DGKH: variants seen among roughly 807,000 people sequenced by gnomAD.
DGKH encodes diacylglycerol kinase eta.
Under a neutral mutation model 159.3 loss-of-function variants are expected in DGKH, and 90 were observed. The observed-to-expected ratio is 0.57, with a 90% confidence interval of 0.48 to 0.67. DGKH has a LOEUF of 0.67. DGKH is among the 30% of genes least tolerant of loss of function. The probability of loss-of-function intolerance (pLI) is 0.00; values close to 1 mark genes in which losing one functional copy is unlikely to be tolerated. For missense variants in DGKH, 1,181 were observed against 1,506.1 expected, an observed-to-expected ratio of 0.78 and a Z score of 3.57; for synonymous variants, 536 against 553.8, an observed-to-expected ratio of 0.97 and a Z score of 0.45.
intron 24 of DGKH, among the ~76,000 whole-genome samples, chr13:42,213,685 CT>C (rs2138215171): frequency 6.6e-6 from 1 of 152,260 alleles, no homozygotes; most frequent in Non-Finnish European, 1.5e-5. Context: ...GCCTCAGTCC[CT>C]TTTCTTGTTC....
chr13:42,073,677 A>G (rs143866554), intron 1 of DGKH, among the ~76,000 whole-genome samples: 117 of 152,322 alleles, frequency 7.7e-4, no homozygotes, highest in African/African-American at 2.7e-3. Flanking sequence ...TGATATTTTT[A>G]GCTTTCTATG....
chr13:42,214,713 T>A, intron 25 of DGKH, 101 bp downstream of exon 25: 1 of 1,122,002 alleles, frequency 8.9e-7, no homozygotes, highest in Non-Finnish European at 1.2e-6. Flanking sequence ...CAGAAAGTTA[T>A]GTTGTCTATA....
intron 20 of DGKH, among the ~76,000 whole-genome samples, chr13:42,201,366 T>TTTTGAGGTCCTA (rs1477809236): frequency 1.3e-5 from 2 of 152,124 alleles, no homozygotes; most frequent in Non-Finnish European, 2.9e-5. Flanking sequence ...ACTGGTCCTA[T>TTTTGAGGTCCTA]TTTGAGGGTG....
chr13:42,089,448 T>C (rs1048473310), intron 1 of DGKH, among the ~76,000 whole-genome samples: 3 of 152,250 alleles, frequency 2.0e-5, no homozygotes, highest in Non-Finnish European at 4.4e-5. Flanking sequence ...TATTATCTTA[T>C]AGTTCTGGAG....
chr13:42,225,183 A>G (rs1958091445), intron 29 of DGKH: 1 of 1,167,352 alleles, frequency 8.6e-7, no homozygotes, highest in Non-Finnish European at 1.2e-6. Flanking sequence ...TTGGCCTCCT[A>G]CAATGCTGGG....
chr13:42,148,236 T>C (rs962241883), intron 3 of DGKH, among the ~76,000 whole-genome samples: 2 of 152,168 alleles, frequency 1.3e-5, no homozygotes, highest in African/African-American at 4.8e-5. Context: ...CTCTTTGAAT[T>C]ATGTGGATGA....
At chr13:42,190,559 A>G (rs1391089329) in intron 16 of DGKH, 34 bp downstream of exon 16, 1 of 1,556,660 alleles carries the variant, frequency 6.4e-7, no homozygotes, top group African/African-American at 1.4e-5. Context: ...TTTTGGAATT[A>G]AATAAAATGT....
At chr13:42,184,976 T>C (rs1029503248) in intron 13 of DGKH, among the ~76,000 whole-genome samples, 4 of 152,096 alleles carry the variant, frequency 2.6e-5, no homozygotes, top group African/African-American at 9.7e-5. Flanking sequence ...TCTACTTTCA[T>C]TTATTTGACT....
chr13:42,174,215 A>AGG (rs1160556109), intron 12 of DGKH, 71 bp downstream of exon 12: 1 of 1,287,930 alleles, frequency 7.8e-7, no homozygotes, highest in African/African-American at 1.5e-5. Context: ...AGAAAGAGAG[A>AGG]GAAAATGTAC....
chr13:42,198,207 A>G (rs1187419403), intron 17 of DGKH, among the ~76,000 whole-genome samples: 1 of 152,212 alleles, frequency 6.6e-6, no homozygotes, highest in African/African-American at 2.4e-5. Context: ...TTGGGATGGT[A>G]AATGAGAAAG....
intron 1 of DGKH, chr13:42,069,250 T>C: frequency 6.3e-6 from 7 of 1,111,180 alleles, no homozygotes; most frequent in Non-Finnish European, 9.1e-6. Context: ...TGTTCATCCT[T>C]TCTTACTTCA....
At chr13:42,178,111 A>G (rs777322648) in intron 12 of DGKH, 24 bp from the exon 13 acceptor site, 2 of 1,575,632 alleles carry the variant, frequency 1.3e-6, no homozygotes, top group Admixed American at 1.7e-5. Flanking sequence ...ACAATAATAC[A>G]GTGTAGAGTT....
At chr13:42,157,056 C>G (rs1956064449) in intron 5 of DGKH, among the ~76,000 whole-genome samples, 1 of 152,186 alleles carries the variant, frequency 6.6e-6, no homozygotes, top group African/African-American at 2.4e-5. Context: ...AAGTTTGTAA[C>G]TGTTTTGTAA....
intron 23 of DGKH, among the ~76,000 whole-genome samples, chr13:42,210,035 T>C (rs1957608093): frequency 6.6e-6 from 1 of 151,610 alleles, no homozygotes; most frequent in Non-Finnish European, 1.5e-5. Flanking sequence ...ATTTTTCCTT[T>C]TGCAGAATAT....
At chr13:42,215,132 G>A (rs1287690770) in intron 25 of DGKH, among the ~76,000 whole-genome samples, 2 of 151,124 alleles carry the variant, frequency 1.3e-5, no homozygotes, top group African/African-American at 4.9e-5. Flanking sequence ...ATGGTACAAT[G>A]CTATAGTATG....
rs914934172 is a variant in DGKH, at chr13:42,239,712, T to A, written c.*10524T>A. The A allele has an allele frequency of 6.6e-6, 1 of 152,580 alleles. No individual in the cohort carries two copies. Among genetic ancestry groups the A allele is most frequent in the East Asian group, 1.9e-4 (1 of 5,196 alleles). The allele number at this position is 152,580 out of a possible 1,614,324, so 9.5% of individuals were successfully genotyped here. Reference sequence around the variant, plus strand: ...CTTTCACTCTTTCCCACCAGAGTGGTCTCTCTAAAACAAATTTGCTAAAGT... The same window carrying A: ...CTTTCACTCTTTCCCACCAGAGTGGACTCTCTAAAACAAATTTGCTAAAGT... On this transcript the variant is annotated 3_prime_UTR_variant, in exon 30 of 30. Transcript: ENST00000337343.
rs144366412 is a variant in DGKH at position 42,078,639 on chromosome 13, A to G, written c.192+29674A>G. Among the ~76,000 whole-genome samples, 7 of 152,266 alleles carry G rather than the reference A, an allele frequency of 4.6e-5. No individual in the cohort carries two copies. In the South Asian group the frequency reaches 8.3e-4, roughly 18 times the overall value. On this transcript the variant is annotated intron_variant, in intron 1 of 29. Transcript: ENST00000337343. The stretch of plus-strand genomic sequence containing the variant: ...GACATGGGGGATGCACATGGATGCC[A>G]GATGCCAACAGATAATACCAAACTG...
intron 1 of DGKH, chr13:42,071,011 C>T (rs1202139693): frequency 5.4e-6 from 7 of 1,295,488 alleles, no homozygotes; most frequent in Non-Finnish European, 7.8e-6. Context: ...ATTGCCTCCA[C>T]AACCCAGTGG....
rs577437377 is a variant in DGKH, at chr13:42,173,758, G to A, written c.1368-302G>A. Among the ~76,000 whole-genome samples the A allele has an allele frequency of 5.9e-5, 9 of 152,278 alleles. No homozygotes were observed. In the South Asian group the frequency reaches 8.3e-4, roughly 14 times the overall value. ...ATTGCACCTGAGAAGAAATGGGGGCGTTGTAACGTGTGGATTTCTTATTGT... is the reference window on the plus strand; with the variant it reads ...ATTGCACCTGAGAAGAAATGGGGGCATTGTAACGTGTGGATTTCTTATTGT... On this transcript the variant is annotated intron_variant, in intron 11 of 29. Coordinates refer to ENST00000337343, the MANE Select transcript of DGKH (RefSeq NM_178009.5).
Sources: gnomAD v4.1 joint callset for allele counts (sites outside exome capture counted in the v4.1 genomes callset) on GRCh38, gnomAD v4.1.1 for gene constraint, MANE v1.5 for transcripts, NCBI Gene and HGNC (gene_info 2026-07-23, HGNC 2026-07-21) for gene names.